Variants in RGS22 observed in about 807,000 individuals in gnomAD.
The protein encoded by RGS22 is regulator of G-protein signaling 22.
Under a neutral mutation model 172.9 loss-of-function variants are expected in RGS22, and 148 were observed. The ratio of observed to expected loss-of-function variants is 0.86; its 90% confidence interval spans 0.75 to 0.98. RGS22 has a LOEUF of 0.98. RGS22 is among the 50% of genes least tolerant of loss of function. RGS22 has a pLI of 0.00. For synonymous variants in RGS22, 458 were observed against 480.2 expected, an observed-to-expected ratio of 0.95 and a Z score of 0.60; for missense variants, 1,347 against 1,440.8, an observed-to-expected ratio of 0.93 and a Z score of 1.05.
chr8:99,999,383 T>A lies in RGS22; in HGVS notation c.2828A>T (p.His943Leu). Reference protein sequence around the residue: ...HLSGGWGKILHEQLDAPVLVE... With the variant: ...HLSGGWGKILLEQLDAPVLVE... ...TAGAACAGGTGCATCAAGCTGCTCA[T>A]GAAGAATCTTCCCCCAGCCACCACT... Residue 943 changes from histidine to leucine, a missense_variant, in exon 19 of 28, where the codon CAT (histidine) becomes CTT (leucine). Physicochemically the swap from His to Leu is moderately conservative, Grantham distance 99. Transcript: ENST00000360863. 1 of 1,613,970 alleles carries A rather than the reference T, an allele frequency of 6.2e-7. No homozygotes were observed. The highest frequency in any genetic ancestry group is 8.5e-7 in the Non-Finnish European group (1 of 1,179,934).
At chr8:100,090,703 T>C (rs997930712) in intron 3 of RGS22, among the ~76,000 whole-genome samples, 1 of 152,114 alleles carries the variant, frequency 6.6e-6, no homozygotes, top group Non-Finnish European at 1.5e-5. Flanking sequence ...GAGAAAGTGA[T>C]ACAGGTATCT....
intron 23 of RGS22, among the ~76,000 whole-genome samples, chr8:99,971,188 T>A (rs1811301000): frequency 6.6e-6 from 1 of 152,172 alleles, no homozygotes; most frequent in Non-Finnish European, 1.5e-5. Context: ...CTCTTTATGC[T>A]AAAAACACTC....
intron 16 of RGS22, among the ~76,000 whole-genome samples, chr8:100,005,052 T>C (rs1392922992): frequency 1.3e-5 from 2 of 152,024 alleles, no homozygotes; most frequent in African/African-American, 4.8e-5. Context: ...TTTCCTTATG[T>C]AGAAGGATTG....
intron 18 of RGS22, among the ~76,000 whole-genome samples, chr8:100,001,229 T>A (rs978181081): frequency 2.3e-5 from 3 of 132,296 alleles, no homozygotes; most frequent in African/African-American, 8.0e-5. Context: ...TACATATATA[T>A]ATATACATTT....
chr8:100,041,055 G>A (rs933460448), intron 12 of RGS22, among the ~76,000 whole-genome samples: 1 of 152,176 alleles, frequency 6.6e-6, no homozygotes, highest in African/African-American at 2.4e-5. Flanking sequence ...TTATAGCTAA[G>A]TGTTCAGACT....
chr8:100,072,511 T>C (rs1188746551), intron 4 of RGS22, among the ~76,000 whole-genome samples: 1 of 152,024 alleles, frequency 6.6e-6, no homozygotes, highest in Admixed American at 6.6e-5. Flanking sequence ...AAGTAACTTG[T>C]TGAAGGAGGG....
intron 2 of RGS22, among the ~76,000 whole-genome samples, chr8:100,101,315 CT>C (rs1205405040): frequency 3.4e-5 from 5 of 148,592 alleles, no homozygotes; most frequent in African/African-American, 1.2e-4. Flanking sequence ...GAGATGGAGT[CT>C]CGCTCTGTTG....
intron 15 of RGS22, among the ~76,000 whole-genome samples, chr8:100,006,552 T>C (rs1815739204): frequency 6.6e-6 from 1 of 152,216 alleles, no homozygotes. Flanking sequence ...CCATCAATCA[T>C]CAAATAAAAC....
At chr8:100,041,363 C>T (rs760734912) in intron 12 of RGS22, among the ~76,000 whole-genome samples, 19 of 151,832 alleles carry the variant, frequency 1.3e-4, no homozygotes, top group Non-Finnish European at 2.4e-4. Context: ...TGGTGGTGTG[C>T]GCCTGTAGTC....
At chr8:100,049,637 T>C (rs1476875064) in intron 10 of RGS22, among the ~76,000 whole-genome samples, 110 of 152,222 alleles carry the variant, frequency 7.2e-4, no homozygotes, top group Non-Finnish European at 1.5e-4. Flanking sequence ...TATCAGATGA[T>C]GTGCTCCCTG....
intron 2 of RGS22, among the ~76,000 whole-genome samples, chr8:100,099,743 T>C (rs1375509975): frequency 6.6e-6 from 1 of 152,222 alleles, no homozygotes; most frequent in Non-Finnish European, 1.5e-5. Flanking sequence ...CCAAATAGCA[T>C]AACACTTTAC....
At chr8:100,056,244 C>T (rs916054462) in intron 9 of RGS22, among the ~76,000 whole-genome samples, 10 of 151,924 alleles carry the variant, frequency 6.6e-5, no homozygotes, top group African/African-American at 1.9e-4. Context: ...TTAGGGTATC[C>T]GGGGGAAAAA....
chr8:100,008,666 G>C (rs1185281831), intron 14 of RGS22, 97 bp from the exon 15 acceptor site: 1 of 836,462 alleles, frequency 1.2e-6, no homozygotes, highest in Non-Finnish European at 1.8e-6. Flanking sequence ...CTAAGAGAAG[G>C]CAAATAAGCC....
At chr8:100,051,889 ATAAATG>A (rs1466806382) in intron 10 of RGS22, among the ~76,000 whole-genome samples, 51 of 58,776 alleles carry the variant, frequency 8.7e-4, no homozygotes, top group Non-Finnish European at 1.2e-3. Flanking sequence ...ATATTTATAT[ATAAATG>A]TTTATATATT....
chr8:100,024,997 A>G (rs754118915), intron 14 of RGS22, among the ~76,000 whole-genome samples: 1 of 130,898 alleles, frequency 7.6e-6, no homozygotes, highest in Non-Finnish European at 1.6e-5. Flanking sequence ...GGATTAAAAG[A>G]GGATCTATAA....
intron 9 of RGS22, among the ~76,000 whole-genome samples, chr8:100,055,618 T>A (rs1170678539): frequency 6.6e-6 from 1 of 152,302 alleles, no homozygotes; most frequent in East Asian, 1.9e-4. Flanking sequence ...TTCCCACGTG[T>A]CATGGGAGGG....
intron 9 of RGS22, among the ~76,000 whole-genome samples, chr8:100,060,302 T>C (rs1335096380): frequency 6.6e-6 from 1 of 150,894 alleles, no homozygotes; most frequent in Non-Finnish European, 1.5e-5. Flanking sequence ...GCACAAGGAT[T>C]TGATCATGTT....
rs919460528 is a variant in RGS22, at chr8:99,961,265, A to G, written c.*46-69T>C. 65 of 428,572 alleles carry G rather than the reference A, an allele frequency of 1.5e-4. No homozygotes were observed. In the Admixed American group the frequency reaches 1.7e-3, roughly 11 times the overall value. 26.5% of individuals were successfully genotyped at this position (428,572 alleles called of 1,614,324 possible). A position where few individuals can be genotyped will look rare whatever the true frequency, so the allele number is the denominator to read the frequency against. ...AAAATATAAATACAAATATAAATGC[A>G]AAACAACAAAAAACTTATATAGAAT... On this transcript the variant is annotated intron_variant, in intron 27 of 27. Transcript: ENST00000360863.
intron 3 of RGS22, among the ~76,000 whole-genome samples, chr8:100,088,705 C>T (rs951519257): frequency 1.3e-5 from 2 of 152,106 alleles, no homozygotes; most frequent in African/African-American, 4.8e-5. Context: ...GTTTCAGGAT[C>T]TTACAATGTG....
Sources: gnomAD v4.1 joint callset for allele counts (sites outside exome capture counted in the v4.1 genomes callset) on GRCh38, gnomAD v4.1.1 for gene constraint, MANE v1.5 for transcripts, NCBI Gene and HGNC (gene_info 2026-07-23, HGNC 2026-07-21) for gene names.